The following PADI2 variants were observed in gnomAD, a reference collection of about 807,000 sequenced individuals.
PADI2 encodes the protein peptidyl arginine deiminase 2.
PADI2 carries 70 observed loss-of-function variants against 81.1 expected under a neutral mutation model. That is an observed-to-expected ratio of 0.86 (90% CI 0.71 to 1.05). PADI2 has a LOEUF of 1.05. Ranked by LOEUF, PADI2 falls within the 50% of genes least tolerant of loss-of-function variation. The pLI is 0.00. For missense variants in PADI2, 853 were observed against 889.9 expected, an observed-to-expected ratio of 0.96 and a Z score of 0.53; for synonymous variants, 338 against 358.0, an observed-to-expected ratio of 0.94 and a Z score of 0.63.
At chr1:17,078,448 G>A (rs1443697579) in intron 11 of PADI2, among the ~76,000 whole-genome samples, 1 of 152,096 alleles carries the variant, frequency 6.6e-6, no homozygotes, top group African/African-American at 2.4e-5. Context: ...CACCCAGGCT[G>A]GAGTGCAGGG....
chr1:17,105,043 GGCCCCGGCT>G lies in PADI2; in HGVS notation c.102_110del (p.Ala35_Ala37del), dbSNP rs747946394. 6.3e-7 allele frequency: 1 copy of G among 1,584,334 alleles called. No individual in the cohort carries two copies. Among genetic ancestry groups the G allele is most frequent in the East Asian group, 2.3e-5 (1 of 43,716 alleles). On this transcript the variant is annotated inframe_deletion, in exon 2 of 16. Coordinates refer to ENST00000375486, the MANE Select transcript of PADI2 (RefSeq NM_007365.3). ...CCGAGTGCTTCAGGCTGAAGGTTTGGGCCCCGGCTGGGGCCGCGCTGTGGGGAGAGATGA... is the reference window on the plus strand; with the variant it reads ...CCGAGTGCTTCAGGCTGAAGGTTTGGGGGGCCGCGCTGTGGGGAGAGATGA...
Position 17,092,456 on chromosome 1 carries a change from A to AT in PADI2, c.606_607insA (p.Tyr203IlefsTer115). ...TTGTCTGAGTCTGACATGGAAATGT[A>AT]CAGAACTATCTCGTATCCGGCGGGG... On this transcript the variant is annotated frameshift_variant, in exon 6 of 16. Transcript: ENST00000375486. LOFTEE classifies it high-confidence loss of function. The AT allele has an allele frequency of 1.2e-6, 2 of 1,608,100 alleles. No individual in the cohort carries two copies. Among genetic ancestry groups the AT allele is most frequent in the Non-Finnish European group, 1.7e-6 (2 of 1,177,694 alleles).
chr1:17,105,186 C>T (rs2647172), intron 1 of PADI2, 125 bp from the exon 2 acceptor site: 3 of 597,040 alleles, frequency 5.0e-6, no homozygotes. Flanking sequence ...TGAGCCCAGG[C>T]GTTTGAGACC....
chr1:17,070,345 C>T lies in PADI2; in HGVS notation c.1636-129G>A, dbSNP rs1383594535. On this transcript the variant is annotated intron_variant, in intron 14 of 15. Coordinates refer to ENST00000375486, the MANE Select transcript of PADI2 (RefSeq NM_007365.3). ...CTCCAGAGAGACTTCTAGCAGTCAG[C>T]GGGCGCCTCTGCAGCCTCTCCCTGG... 10 of 1,172,752 alleles carry T rather than the reference C, an allele frequency of 8.5e-6. 1 individual carries two copies. The highest frequency in any genetic ancestry group is 6.3e-5 in the Admixed American group (3 of 47,730). The allele number at this position is 1,172,752 out of a possible 1,614,324, so 72.6% of individuals were successfully genotyped here. A position where few individuals can be genotyped will look rare whatever the true frequency, so the allele number is the denominator to read the frequency against.
In PADI2 at chr1:17,067,925, G is replaced by A. The variant is rs1570970653; in HGVS notation, c.*1119C>T. 6.6e-6 allele frequency: 1 copy of A among 152,586 alleles called. No homozygotes were observed. The highest frequency in any genetic ancestry group is 2.1e-4 in the South Asian group (1 of 4,832). The allele number at this position is 152,586 out of a possible 1,614,324, so 9.5% of individuals were successfully genotyped here. A position where few individuals can be genotyped will look rare whatever the true frequency, so the allele number is the denominator to read the frequency against. ...AGTTGGAGCCAGGGAATGAATCTGG[G>A]TATGTCCAAATGAGAGGGTCTTTGG... On this transcript the variant is annotated 3_prime_UTR_variant, in exon 16 of 16. Transcript: ENST00000375486.
At chr1:17,089,987 C>A (rs778604408) in intron 6 of PADI2, among the ~76,000 whole-genome samples, 1 of 152,158 alleles carries the variant, frequency 6.6e-6, no homozygotes, top group Non-Finnish European at 1.5e-5. Flanking sequence ...GCATGAGGAG[C>A]CCTCAGTGCT....
rs1420238352 is a variant in PADI2, at chr1:17,077,049, AC to A, written c.1311-1227del. Among the ~76,000 whole-genome samples the A allele has an allele frequency of 2.0e-5, 3 of 151,892 alleles. No individual in the cohort carries two copies. The East Asian group carries it at 5.8e-4, about 29-fold the overall frequency. On this transcript the variant is annotated intron_variant, in intron 11 of 15. Coordinates refer to ENST00000375486, the MANE Select transcript of PADI2 (RefSeq NM_007365.3). The stretch of plus-strand genomic sequence containing the variant: ...GTTCTGTCTGCTCCAGCCACCTGCT[AC>A]ACTTGCTATCCCTTGGGGCTTTTCC...
chr1:17,103,269 T>C (rs567795978), intron 2 of PADI2, among the ~76,000 whole-genome samples: 21 of 152,346 alleles, frequency 1.4e-4, no homozygotes, highest in African/African-American at 4.6e-4. Context: ...CCCCTCCTGC[T>C]GGCTGAGAGG....
At chr1:17,092,962 A>G in intron 5 of PADI2, among the ~76,000 whole-genome samples, 1 of 151,182 alleles carries the variant, frequency 6.6e-6, no homozygotes, top group East Asian at 1.9e-4. Context: ...AAAAAAAAAA[A>G]AGAAAAAAAA....
intron 4 of PADI2, among the ~76,000 whole-genome samples, chr1:17,094,113 C>T (rs72641872): frequency 2.0e-4 from 30 of 152,288 alleles, no homozygotes; most frequent in Non-Finnish European, 3.8e-4. Context: ...CTGCATGGTG[C>T]TCCACTTTCT....
At chr1:17,082,463 CG>C in intron 10 of PADI2, 81 bp downstream of exon 10, 1 of 874,640 alleles carries the variant, frequency 1.1e-6, no homozygotes, top group Non-Finnish European at 1.9e-6. Flanking sequence ...TGTGTCAAGG[CG>C]GCCCAGGGTC....
At chr1:17,092,955 AAAAAAAAAG>A (rs1178705325) in intron 5 of PADI2, among the ~76,000 whole-genome samples, 1 of 151,292 alleles carries the variant, frequency 6.6e-6, no homozygotes, top group African/African-American at 2.4e-5. Flanking sequence ...TCTCAAAAAA[AAAAAAAAAG>A]AAAAAAAAAG....
chr1:17,071,487 C>T lies in PADI2; in HGVS notation c.1554G>A (p.Leu518=). Residue 518 remains leucine (L), a synonymous_variant, in exon 14 of 16, where the codon TTG becomes TTA. Coordinates refer to ENST00000375486, the MANE Select transcript of PADI2 (RefSeq NM_007365.3). ...GHGEAIMFKG[L]GGMSSKRITI... is the part of the protein sequence containing the mutation. ...TGATTCGCTTGCTGCTCATCCCACC[C>T]AAGCCTGTGGGGTTCAAAGGACAGG... 1 of 1,613,136 alleles carries T rather than the reference C, an allele frequency of 6.2e-7. No homozygotes were observed. Among genetic ancestry groups the T allele is most frequent in the Non-Finnish European group, 8.5e-7 (1 of 1,179,096 alleles).
At chr1:17,101,258 G>A (rs1432008768) in intron 3 of PADI2, among the ~76,000 whole-genome samples, 2 of 152,140 alleles carry the variant, frequency 1.3e-5, no homozygotes, top group Non-Finnish European at 1.5e-5. Context: ...GTCCAGTCCT[G>A]CCTCCTTATA....
intron 13 of PADI2, among the ~76,000 whole-genome samples, chr1:17,072,986 T>C (rs965568504): frequency 6.6e-6 from 1 of 152,148 alleles, no homozygotes; most frequent in African/African-American, 2.4e-5. Context: ...TTGTCTGTCC[T>C]AGACACCAGT....
chr1:17,106,309 G>C (rs1319498297), intron 1 of PADI2, among the ~76,000 whole-genome samples: 1 of 152,190 alleles, frequency 6.6e-6, no homozygotes, highest in Non-Finnish European at 1.5e-5. Flanking sequence ...TGATCTGGCT[G>C]CTGTGTACTG....
chr1:17,098,759 C>T (rs899877551), intron 3 of PADI2, among the ~76,000 whole-genome samples: 1 of 152,232 alleles, frequency 6.6e-6, no homozygotes. Context: ...GGCCCCTTCA[C>T]CCTCAGAGAC....
At chr1:17,087,702 G>A (rs541662267) in intron 6 of PADI2, among the ~76,000 whole-genome samples, 2 of 151,942 alleles carry the variant, frequency 1.3e-5, no homozygotes, top group Admixed American at 6.6e-5. Flanking sequence ...GGGTTTCATC[G>A]CCATCTTGGT....
intron 6 of PADI2, among the ~76,000 whole-genome samples, chr1:17,090,260 T>A (rs1930636344): frequency 6.6e-6 from 1 of 152,174 alleles, no homozygotes; most frequent in Non-Finnish European, 1.5e-5. Flanking sequence ...CCTCATTAGA[T>A]CCCCACCACG....
Sources: gnomAD v4.1 joint callset for allele counts (sites outside exome capture counted in the v4.1 genomes callset) on GRCh38, gnomAD v4.1.1 for gene constraint, MANE v1.5 for transcripts, NCBI Gene and HGNC (gene_info 2026-07-23, HGNC 2026-07-21) for gene names.